Variants in PLA2G4F observed in about 807,000 individuals in gnomAD.
PLA2G4F encodes the protein phospholipase A2 group IVF, also known as cytosolic phospholipase A2 zeta.
A neutral mutation model predicts 103.1 loss-of-function variants in PLA2G4F; 105 were observed. The ratio of observed to expected loss-of-function variants is 1.02; its 90% CI spans 0.87 to 1.20. The LOEUF (loss-of-function observed/expected upper bound fraction) is 1.20. Ranked by LOEUF, PLA2G4F falls within the 50% of genes most tolerant of loss-of-function variation. PLA2G4F has a pLI of 0.00. For missense variants in PLA2G4F, 1,155 were observed against 1,075.9 expected, an observed-to-expected ratio of 1.07 and a Z score of -1.03; for synonymous variants, 468 against 441.1, an observed-to-expected ratio of 1.06 and a Z score of -0.76.
In PLA2G4F at chr15:42,150,558, G is replaced by T. The variant is rs755857506; in HGVS notation, c.771+50C>A. 6.9e-6 allele frequency: 11 copies of T among 1,594,148 alleles called. No homozygotes were observed. In the African/African-American group the frequency reaches 9.4e-5, roughly 14 times the overall value. On this transcript the variant is annotated intron_variant, in intron 8 of 19. Transcript: ENST00000397272. ...GTCTCCCCCAACGTGGCCCTGGAACGCCAGTCTGGGCTGAGTTGGATCTAC... is the reference window on the plus strand; with the variant it reads ...GTCTCCCCCAACGTGGCCCTGGAACTCCAGTCTGGGCTGAGTTGGATCTAC...
chr15:42,152,398 C>A (rs2048969908), intron 7 of PLA2G4F, among the ~76,000 whole-genome samples: 1 of 152,210 alleles, frequency 6.6e-6, no homozygotes, highest in African/African-American at 2.4e-5. Flanking sequence ...CCCGCCAAGC[C>A]CAGCCCAGCT....
chr15:42,140,463 A>G lies in PLA2G4F; in HGVS notation c.*1521T>C, dbSNP rs1252868094. The G allele has an allele frequency of 6.6e-6, 1 of 152,340 alleles. No homozygotes were observed. Among genetic ancestry groups the G allele is most frequent in the African/African-American group, 2.4e-5 (1 of 41,468 alleles). The allele number at this position is 152,340 out of a possible 1,614,324, so 9.4% of individuals were successfully genotyped here. ...CAGCAGGAGCCAGATAAACTCCCAG[A>G]TAAACCTCTCACTGCTGAACCAAGG... On this transcript the variant is annotated 3_prime_UTR_variant, in exon 20 of 20. Coordinates refer to ENST00000397272, the MANE Select transcript of PLA2G4F (RefSeq NM_213600.4).
At chr15:42,148,812 C>A (rs1255820165) in intron 11 of PLA2G4F, 1 of 985,304 alleles carries the variant, frequency 1.0e-6, no homozygotes, top group East Asian at 1.1e-4. Flanking sequence ...TTTCCCTGTT[C>A]TCTTTTCGTC....
chr15:42,148,209 C>G (rs2048915217), intron 11 of PLA2G4F, among the ~76,000 whole-genome samples: 1 of 151,898 alleles, frequency 6.6e-6, no homozygotes, highest in Non-Finnish European at 1.5e-5. Flanking sequence ...AGAGAGAACC[C>G]CATTTTCCAG....
At position 42,145,865 on chromosome 15, in the gene PLA2G4F, TGGGGAAGCCAACCTC is replaced by T. The variant is rs2048878695; in HGVS notation, c.1558_1572del (p.Glu520_Pro524del). On this transcript the variant is annotated inframe_deletion, in exon 15 of 20. Transcript: ENST00000397272. ...TCGGTGGGAACATAAGCCCCGTACT[TGGGGAAGCCAACCTC>T]ATAGGGCGTGAACTCGCACCACTCT... 6.2e-7 allele frequency: 1 copy of T among 1,614,074 alleles called. No individual in the cohort carries two copies. The highest frequency in any genetic ancestry group is 8.5e-7 in the Non-Finnish European group (1 of 1,180,012).
In PLA2G4F at chr15:42,153,576, C is replaced by T. The variant is rs1458313175; in HGVS notation, c.491+44G>A. The T allele has an allele frequency of 4.3e-6, 7 of 1,612,132 alleles. No individual in the cohort carries two copies. In the South Asian group the frequency reaches 6.6e-5, roughly 15 times the overall value. On this transcript the variant is annotated intron_variant, in intron 5 of 19. Coordinates refer to ENST00000397272, the MANE Select transcript of PLA2G4F (RefSeq NM_213600.4). ...CTGGCACCTAGGAGCTGCCCTGACT[C>T]AAATCTCTGAGTCTCTGAGGGCGTT...
At position 42,156,569 on chromosome 15, in the gene PLA2G4F, C is replaced by CA. The variant is rs770765847; in HGVS notation, c.-21dup. The CA allele has an allele frequency of 1.3e-6, 2 of 1,516,038 alleles. No individual in the cohort carries two copies. The highest frequency in any genetic ancestry group is 2.8e-5 in the African/African-American group (2 of 71,458). 93.9% of individuals were successfully genotyped at this position (1,516,038 alleles called of 1,614,324 possible). A position where few individuals can be genotyped will look rare whatever the true frequency, so the allele number is the denominator to read the frequency against. On this transcript the variant is annotated 5_prime_UTR_variant, in exon 1 of 20. Coordinates refer to ENST00000397272, the MANE Select transcript of PLA2G4F (RefSeq NM_213600.4). ...AAGCATGGCTGGGCAGCCCGGGCCCCAGCAGGGAACCCTGCCTGCGCTCCT... is the reference window on the plus strand; with the variant it reads ...AAGCATGGCTGGGCAGCCCGGGCCCCAAGCAGGGAACCCTGCCTGCGCTCCT...
rs79092213 is a variant in PLA2G4F at position 42,147,676 on chromosome 15, G to A, written c.1146C>T (p.Leu382=). The change falls in exon 12 of 20, where the codon CTC becomes CTT. Residue 382 remains leucine (L), a synonymous_variant. Transcript: ENST00000397272. ...GGTAGGTCACAGTGTCTAGAAGGCC[G>A]AGCTCCTGCAACCCTGCCAGGCTGC... The part of the protein sequence containing the change: ...LYGSLAGLQE[L]GLLDTVTYLS... The A allele has an allele frequency of 0.012, 20,087 of 1,614,022 alleles. 154 individuals carry two copies. Among genetic ancestry groups the A allele is most frequent in the African/African-American group, 0.031 (2,344 of 74,992 alleles).
At chr15:42,143,116 T>A (rs1214533786) in intron 18 of PLA2G4F, among the ~76,000 whole-genome samples, 1 of 142,166 alleles carries the variant, frequency 7.0e-6, no homozygotes, top group Non-Finnish European at 1.5e-5. Context: ...GAGGCAGAGG[T>A]TGCAGCGAGC....
chr15:42,153,257 C>G (rs375970891), intron 6 of PLA2G4F, 43 bp downstream of exon 6: 2 of 1,579,870 alleles, frequency 1.3e-6, no homozygotes, highest in Admixed American at 3.6e-5. Flanking sequence ...TTCCTCACTG[C>G]CCCCCAGCCC....
chr15:42,148,452 C>G, intron 11 of PLA2G4F: 1 of 258,102 alleles, frequency 3.9e-6, no homozygotes, highest in African/African-American at 2.3e-5. Flanking sequence ...TGGGGACTGT[C>G]CTGTGTGTTG....
At chr15:42,154,565 C>G (rs1211920250) in intron 2 of PLA2G4F, 107 bp from the exon 3 acceptor site, 1 of 1,314,182 alleles carries the variant, frequency 7.6e-7, no homozygotes. Flanking sequence ...GGAGGGGAAG[C>G]CGCCCACGTG....
In PLA2G4F at chr15:42,155,595, A is replaced by G; in HGVS notation, c.112-6T>C. On this transcript the variant is annotated splice_polypyrimidine_tract_variant and splice_region_variant and intron_variant, in intron 1 of 19. Transcript: ENST00000397272. ...TAGTATGGGTAGGTTTCCCGCTGCA[A>G]TAACAGAACTCCAGGGACTCAGTCA... The G allele has an allele frequency of 1.2e-6, 2 of 1,613,718 alleles. No individual in the cohort carries two copies. The highest frequency in any genetic ancestry group is 1.7e-5 in the Admixed American group (1 of 60,024).
intron 7 of PLA2G4F, chr15:42,151,299 C>G (rs972112127): frequency 5.1e-6 from 5 of 985,096 alleles, no homozygotes; most frequent in Non-Finnish European, 6.0e-6. Context: ...TGCGTGGGTA[C>G]AGAGAGATGC....
intron 2 of PLA2G4F, among the ~76,000 whole-genome samples, chr15:42,154,904 C>G (rs1253359805): frequency 6.6e-6 from 1 of 152,154 alleles, no homozygotes; most frequent in Non-Finnish European, 1.5e-5. Flanking sequence ...GCCCTCACCT[C>G]CATGGTCAGC....
In PLA2G4F at chr15:42,154,163, G is replaced by C. The variant is rs1387364333; in HGVS notation, c.379C>G (p.Leu127Val). Reference sequence around the variant, plus strand: ...AGGCTTCTCAGGTCAAACAGGAGCAGAGAGAGCTGGTCGCTGCCCAGGATG... The same window carrying C: ...AGGCTTCTCAGGTCAAACAGGAGCACAGAGAGCTGGTCGCTGCCCAGGATG... ...KDILGSDQLS[L>V]LLFDLRSLKC... The change falls in exon 4 of 20, where the codon CTG becomes GTG. Residue 127 changes from leucine (L) to valine (V), a missense_variant. Leu to Val is a conservative substitution (Grantham distance 32). This residue lies in a region of PLA2G4F where 370 missense variants were observed against 364.9 expected (regional missense o/e 1.01). Transcript: ENST00000397272. 1.2e-6 allele frequency: 2 copies of C among 1,614,252 alleles called. No homozygotes were observed. Among genetic ancestry groups the C allele is most frequent in the Non-Finnish European group, 1.7e-6 (2 of 1,180,042 alleles).
chr15:42,156,569 C>T lies in PLA2G4F; in HGVS notation c.-20G>A. On this transcript the variant is annotated 5_prime_UTR_variant, in exon 1 of 20. Transcript: ENST00000397272. ...AAGCATGGCTGGGCAGCCCGGGCCC[C>T]AGCAGGGAACCCTGCCTGCGCTCCT... is the stretch of plus-strand genomic sequence containing the variant. 6.6e-7 allele frequency: 1 copy of T among 1,516,156 alleles called. No individual in the cohort carries two copies. Among genetic ancestry groups the T allele is most frequent in the Non-Finnish European group, 8.9e-7 (1 of 1,124,258 alleles). 93.9% of individuals were successfully genotyped at this position (1,516,156 alleles called of 1,614,324 possible). A position where few individuals can be genotyped will look rare whatever the true frequency, so the allele number is the denominator to read the frequency against.
chr15:42,145,732 C>T (rs1188734413), intron 15 of PLA2G4F, 34 bp downstream of exon 15: 1 of 1,613,788 alleles, frequency 6.2e-7, no homozygotes, highest in South Asian at 1.1e-5. Context: ...GGCCCCGGCA[C>T]CTGCCTGTCC....
rs140679522 is a variant in PLA2G4F, at chr15:42,147,701, C to A, written c.1121G>T (p.Gly374Val). The part of the protein sequence containing the change: ...GGTRAMSSLY[G>V]SLAGLQELGL... ...GAGCTCCTGCAACCCTGCCAGGCTG[C>A]CGTACAGAGAAGACATGGCTCGGGT... Residue 374 changes from glycine (G) to valine (V), a missense_variant, in exon 12 of 20, where the codon GGC (glycine) becomes GTC (valine). Coordinates refer to ENST00000397272, the MANE Select transcript of PLA2G4F (RefSeq NM_213600.4). The A allele has an allele frequency of 2.5e-6, 4 of 1,614,082 alleles. No homozygotes were observed. The highest frequency in any genetic ancestry group is 3.4e-6 in the Non-Finnish European group (4 of 1,179,988).
Sources: gnomAD v4.1 joint callset for allele counts (sites outside exome capture counted in the v4.1 genomes callset) on GRCh38, gnomAD v4.1.1 for gene constraint, gnomAD v4.1.1 regional missense constraint, MANE v1.5 for transcripts, NCBI Gene and HGNC (gene_info 2026-07-23, HGNC 2026-07-21) for gene names.